Variants in ROBO1 observed in about 807,000 individuals in gnomAD.
ROBO1 encodes the protein roundabout guidance receptor 1, also known as roundabout homolog 1.
Under a neutral mutation model 195.9 loss-of-function variants are expected in ROBO1, and 149 were observed. The observed-to-expected ratio is 0.76, with a 90% CI of 0.67 to 0.87. The LOEUF is 0.87. Ranked by LOEUF, ROBO1 falls within the 40% of genes least tolerant of loss-of-function variation. The pLI is 0.00. For synonymous variants in ROBO1, 816 were observed against 733.2 expected (o/e 1.11, Z -1.82); for missense variants, 1,933 against 2,068.3 (o/e 0.93, Z 1.27).
chr3:79,453,172 T>C (rs2039503225), intron 2 of ROBO1, among the ~76,000 whole-genome samples: 1 of 151,906 alleles, frequency 6.6e-6, no homozygotes, highest in South Asian at 2.1e-4. Context: ...AGGCAAGACT[T>C]CAGTGAATAG....
rs75082977 is a variant in ROBO1 at position 79,203,225 on chromosome 3, G to A, written c.89-77686C>T. On this transcript the variant is annotated intron_variant, in intron 2 of 30. Transcript: ENST00000464233. ...CCTCCCACATGGAGGGTTATTGCCC[G>A]GCCAAAGAGTTACATTTTGATATTT... Among the ~76,000 whole-genome samples the A allele has an allele frequency of 8.5e-5, 13 of 152,256 alleles. No individual in the cohort carries two copies. In the East Asian group the frequency reaches 2.3e-3, roughly 27 times the overall value.
chr3:79,419,217 A>C (rs533011674), intron 2 of ROBO1, among the ~76,000 whole-genome samples: 1 of 152,278 alleles, frequency 6.6e-6, no homozygotes, highest in African/African-American at 2.4e-5. Context: ...CCACTGTAAT[A>C]AATGGAAAGA....
intron 2 of ROBO1, among the ~76,000 whole-genome samples, chr3:79,270,237 C>T (rs1011614132): frequency 6.6e-6 from 1 of 151,032 alleles, no homozygotes; most frequent in African/African-American, 2.4e-5. Context: ...CACACACATA[C>T]ACAGAGGATT....
At chr3:79,019,192 ACAT>A (rs1474325683) in intron 3 of ROBO1, 4 of 986,518 alleles carry the variant, frequency 4.1e-6, no homozygotes, top group Middle Eastern at 5.2e-4. Context: ...GCGGCGCCCA[ACAT>A]CGCCCTCGGC....
chr3:78,628,690 A>C (rs1452223337), intron 25 of ROBO1, among the ~76,000 whole-genome samples: 1 of 152,096 alleles, frequency 6.6e-6, no homozygotes, highest in East Asian at 1.9e-4. Flanking sequence ...TCCTAATCTC[A>C]CTATCTCCCT....
chr3:79,720,927 G>A (rs890865159), intron 1 of ROBO1, among the ~76,000 whole-genome samples: 13 of 151,934 alleles, frequency 8.6e-5, no homozygotes, highest in South Asian at 2.1e-4. Context: ...CGAGTAGCTG[G>A]GACTACAGGC....
At position 78,766,388 on chromosome 3, in the gene ROBO1, C is replaced by G. The variant is rs1018362876; in HGVS notation, c.500-19488G>C. Among the ~76,000 whole-genome samples, 7 of 152,206 alleles carry G rather than the reference C, an allele frequency of 4.6e-5. No homozygotes were observed. In the East Asian group the frequency reaches 1.4e-3, roughly 29 times the overall value. Reference sequence around the variant, plus strand: ...TTTGCTTTAGTACCCCAACCCCAACCCCCAGTACATTTGTACTCACATAAA... The same window carrying G: ...TTTGCTTTAGTACCCCAACCCCAACGCCCAGTACATTTGTACTCACATAAA... On this transcript the variant is annotated intron_variant, in intron 4 of 30. Coordinates refer to ENST00000464233, the MANE Select transcript of ROBO1 (RefSeq NM_002941.4).
rs529342264 is a variant in ROBO1, at chr3:78,870,380, T to C, written c.499+68221A>G. On this transcript the variant is annotated intron_variant, in intron 4 of 30. Transcript: ENST00000464233. The stretch of plus-strand genomic sequence containing the variant: ...CAGACTCTCACTTACGACTTCTACA[T>C]GCAAGTGTGTTTTCCATGTTTCCTC... 3.3e-5 allele frequency among the ~76,000 whole-genome samples: 5 copies of C among 152,348 alleles called. No individual in the cohort carries two copies. The East Asian group carries it at 9.6e-4, about 29-fold the overall frequency.
chr3:78,673,405 C>T (rs944524590), intron 10 of ROBO1, among the ~76,000 whole-genome samples: 1 of 145,900 alleles, frequency 6.9e-6, no homozygotes, highest in African/African-American at 2.5e-5. Context: ...TATATTACAG[C>T]AGGGTTACAC....
At chr3:79,464,328 T>C (rs1459867723) in intron 2 of ROBO1, among the ~76,000 whole-genome samples, 1 of 152,234 alleles carries the variant, frequency 6.6e-6, no homozygotes, top group East Asian at 1.9e-4. Flanking sequence ...CTATATTTAA[T>C]CAAGGAACTG....
At chr3:79,038,237 C>T (rs2078416825) in intron 3 of ROBO1, among the ~76,000 whole-genome samples, 2 of 152,202 alleles carry the variant, frequency 1.3e-5, no homozygotes, top group Admixed American at 6.5e-5. Flanking sequence ...ACATTTGGCA[C>T]ATGCTCCAGG....
chr3:79,508,713 G>GA (rs1940542634), intron 2 of ROBO1, among the ~76,000 whole-genome samples: 4 of 152,060 alleles, frequency 2.6e-5, no homozygotes, highest in Admixed American at 2.0e-4. Flanking sequence ...TTATCTCTGA[G>GA]AAAAAATCAA....
intron 4 of ROBO1, among the ~76,000 whole-genome samples, chr3:78,771,248 G>A (rs958091582): frequency 6.6e-6 from 1 of 152,046 alleles, no homozygotes; most frequent in African/African-American, 2.4e-5. Context: ...CCATTGCACT[G>A]GTCTATGTGT....
intron 2 of ROBO1, among the ~76,000 whole-genome samples, chr3:79,282,069 G>A (rs778561991): frequency 1.3e-5 from 2 of 152,276 alleles, no homozygotes; most frequent in South Asian, 2.1e-4. Context: ...GTGGTCTACA[G>A]GTAGGGACAG....
intron 4 of ROBO1, among the ~76,000 whole-genome samples, chr3:78,914,135 G>A (rs1266821056): frequency 6.6e-6 from 1 of 152,082 alleles, no homozygotes; most frequent in Non-Finnish European, 1.5e-5. Flanking sequence ...TCACTTTTAA[G>A]TTTCATTTTG....
chr3:78,889,189 T>C (rs2036740384), intron 4 of ROBO1, among the ~76,000 whole-genome samples: 1 of 152,198 alleles, frequency 6.6e-6, no homozygotes, highest in Non-Finnish European at 1.5e-5. Context: ...AAAATATTGT[T>C]GTTGTTTCCT....
chr3:79,017,442 C>A (rs889370354), intron 3 of ROBO1, among the ~76,000 whole-genome samples: 11 of 140,570 alleles, frequency 7.8e-5, no homozygotes, highest in Non-Finnish European at 1.4e-4. Flanking sequence ...ATAAAAATTC[C>A]GAGGTGCAGT....
intron 4 of ROBO1, among the ~76,000 whole-genome samples, chr3:78,844,023 T>C (rs1358087242): frequency 1.3e-5 from 2 of 152,140 alleles, no homozygotes; most frequent in Non-Finnish European, 2.9e-5. Flanking sequence ...TTAACTCCAC[T>C]AAATCACTTT....
intron 8 of ROBO1, among the ~76,000 whole-genome samples, chr3:78,697,086 TTAGAA>T (rs1406018925): frequency 5.3e-5 from 8 of 150,632 alleles, no homozygotes; most frequent in Admixed American, 2.6e-4. Context: ...CCACTACCAT[TTAGAA>T]TAGAAGACTT....
Sources: gnomAD v4.1 joint callset for allele counts (sites outside exome capture counted in the v4.1 genomes callset) on GRCh38, gnomAD v4.1.1 for gene constraint, MANE v1.5 for transcripts, NCBI Gene and HGNC (gene_info 2026-07-23, HGNC 2026-07-21) for gene names.